SH3KBP1: variants seen among roughly 807,000 people sequenced by gnomAD.
SH3KBP1 encodes the protein SH3 domain containing kinase binding protein 1.
SH3KBP1 carries 8 observed loss-of-function variants against 50.1 expected under a neutral mutation model. That is an observed-to-expected ratio of 0.16 (90% CI 0.09 to 0.29). SH3KBP1 has a LOEUF of 0.29. SH3KBP1 is among the 10% of genes least tolerant of loss of function. SH3KBP1 has a pLI of 1.00. For synonymous variants in SH3KBP1, 227 were observed against 218.6 expected (o/e 1.04, Z -0.34); for missense variants, 377 against 535.2 (o/e 0.70, Z 2.92).
chrX:19,811,511 C>T (rs1023639030), intron 2 of SH3KBP1, among the ~76,000 whole-genome samples: 1 of 112,297 alleles, frequency 8.9e-6, no homozygotes, highest in Non-Finnish European at 1.9e-5. Flanking sequence ...ACAAGGTACT[C>T]TCCAAACATG....
chrX:19,683,862 C>A lies in SH3KBP1; in HGVS notation c.687G>T (p.Arg229Ser), dbSNP rs200888929. 8.3e-7 allele frequency: 1 copy of A among 1,210,006 alleles called. No individual in the cohort carries two copies. Among genetic ancestry groups the A allele is most frequent in the African/African-American group, 1.7e-5 (1 of 57,267 alleles). ...GAAAGTCATTTTCTACTTCAATTGA[C>A]CTTGGTCTTAGTTTGATTGGCTTGT... ...FKDKPIKLRP[R>S]SIEVENDFLP... Residue 229 changes from arginine (R) to serine (S), a missense_variant, in exon 6 of 18, where the codon AGG becomes AGT. Arg to Ser is a moderately radical substitution (Grantham distance 110). Around this residue, in one of 3 missense-constraint regions of SH3KBP1, gnomAD observed 257 missense variants for 374.2 expected, o/e 0.69. Transcript: ENST00000397821.
intron 17 of SH3KBP1, 57 bp from the exon 18 acceptor site, chrX:19,536,515 G>A (rs746659412): frequency 3.9e-6 from 3 of 768,581 alleles, no homozygotes; most frequent in South Asian, 5.1e-5. Flanking sequence ...TGGTTTTATA[G>A]AAGCTGAAAG....
chrX:19,781,800 G>A (rs1190407709), intron 2 of SH3KBP1, among the ~76,000 whole-genome samples: 2 of 111,073 alleles, frequency 1.8e-5, no homozygotes, highest in African/African-American at 6.6e-5. Context: ...TGCATAACTG[G>A]GTATGTTTAC....
intron 2 of SH3KBP1, among the ~76,000 whole-genome samples, chrX:19,753,506 G>A (rs2065127259): frequency 9.5e-6 from 1 of 105,649 alleles, no homozygotes; most frequent in African/African-American, 3.4e-5. Context: ...CCCACCCCAC[G>A]CAAAAGGCAA....
chrX:19,697,686 G>T (rs2063451573), intron 4 of SH3KBP1, among the ~76,000 whole-genome samples: 1 of 112,123 alleles, frequency 8.9e-6, no homozygotes, highest in Admixed American at 9.4e-5. Flanking sequence ...TGAGCTCACT[G>T]AGATCTGGGG....
At position 19,814,533 on chromosome X, in the gene SH3KBP1, C is replaced by T. The variant is rs1437853720; in HGVS notation, c.162+21592G>A. 3.6e-5 allele frequency among the ~76,000 whole-genome samples: 4 copies of T among 111,453 alleles called. No homozygotes were observed. The Admixed American group carries it at 3.8e-4, about 11-fold the overall frequency. On this transcript the variant is annotated intron_variant, in intron 2 of 17. Transcript: ENST00000397821. Reference sequence around the variant, plus strand: ...GTGGTGCACTGGTCTCTCTGTTGTTCCTCCAACAAGCCAGGGACACCCTCC... The same window carrying T: ...GTGGTGCACTGGTCTCTCTGTTGTTTCTCCAACAAGCCAGGGACACCCTCC...
intron 3 of SH3KBP1, among the ~76,000 whole-genome samples, chrX:19,737,691 T>A (rs1340847607): frequency 8.9e-6 from 1 of 111,891 alleles, no homozygotes; most frequent in Non-Finnish European, 1.9e-5. Flanking sequence ...CAGGTAGACC[T>A]GAACACCCTG....
intron 2 of SH3KBP1, among the ~76,000 whole-genome samples, chrX:19,807,903 T>C (rs6527946): frequency 0.13 from 14,050 of 112,327 alleles, 2,063 homozygotes; most frequent in African/African-American, 0.42. Flanking sequence ...TCATAGAAGG[T>C]AGCAGATACT....
At chrX:19,669,803 C>G (rs961547774) in intron 6 of SH3KBP1, among the ~76,000 whole-genome samples, 1 of 111,635 alleles carries the variant, frequency 9.0e-6, no homozygotes, top group African/African-American at 3.3e-5. Flanking sequence ...TCTAGGCAAG[C>G]AACAGATGCC....
chrX:19,695,448 G>A lies in SH3KBP1; in HGVS notation c.520+164C>T, dbSNP rs751118944. Reference sequence around the variant, plus strand: ...GTGGCTACGGGTCACACCTTTATAGGGATCAACTTCCTAAACCACAGTGGG... The same window carrying A: ...GTGGCTACGGGTCACACCTTTATAGAGATCAACTTCCTAAACCACAGTGGG... On this transcript the variant is annotated intron_variant, in intron 5 of 17. Coordinates refer to ENST00000397821, the MANE Select transcript of SH3KBP1 (RefSeq NM_031892.3). Among the ~76,000 whole-genome samples the A allele has an allele frequency of 2.7e-5, 3 of 110,910 alleles. No homozygotes were observed. In the East Asian group the frequency reaches 8.5e-4, roughly 31 times the overall value.
chrX:19,722,569 GGT>G (rs55675573), intron 3 of SH3KBP1, among the ~76,000 whole-genome samples: 32,524 of 83,806 alleles, frequency 0.39, 5,569 homozygotes, highest in East Asian at 0.52. Flanking sequence ...CGTGCGCACT[GGT>G]GTGTGTGTGT....
chrX:19,699,347 C>T (rs1045805694), intron 4 of SH3KBP1, among the ~76,000 whole-genome samples: 1 of 112,587 alleles, frequency 8.9e-6, no homozygotes, highest in Non-Finnish European at 1.9e-5. Context: ...ATAACTTCCA[C>T]CCCAAGGAAA....
At chrX:19,695,534 T>C (rs1258489510) in intron 5 of SH3KBP1, 78 bp downstream of exon 5, 4 of 1,132,956 alleles carry the variant, frequency 3.5e-6, no homozygotes, top group Non-Finnish European at 1.2e-6. Flanking sequence ...CGGCATAGGA[T>C]ACAGAACAGA....
chrX:19,712,510 G>A (rs1159411011), intron 3 of SH3KBP1, among the ~76,000 whole-genome samples: 2 of 111,226 alleles, frequency 1.8e-5, no homozygotes, highest in Non-Finnish European at 3.8e-5. Flanking sequence ...AAAGAACATT[G>A]ACAAATACAG....
At chrX:19,724,607 T>C (rs1226139754) in intron 3 of SH3KBP1, among the ~76,000 whole-genome samples, 2 of 112,609 alleles carry the variant, frequency 1.8e-5, no homozygotes, top group African/African-American at 6.5e-5. Context: ...CATAAATGAA[T>C]GGGTGTGCCT....
At chrX:19,679,939 T>C (rs1342828171) in intron 6 of SH3KBP1, among the ~76,000 whole-genome samples, 1 of 112,532 alleles carries the variant, frequency 8.9e-6, no homozygotes. Flanking sequence ...GAACTATTTA[T>C]CTATTCACAG....
chrX:19,768,507 C>T (rs2065688107), intron 2 of SH3KBP1, among the ~76,000 whole-genome samples: 1 of 96,098 alleles, frequency 1.0e-5, no homozygotes, highest in Non-Finnish European at 2.1e-5. Context: ...CCAAATGGCA[C>T]ATACCATGGG....
At chrX:19,833,617 G>A (rs754200292) in intron 2 of SH3KBP1, among the ~76,000 whole-genome samples, 3 of 85,385 alleles carry the variant, frequency 3.5e-5, no homozygotes, top group East Asian at 3.8e-4. Flanking sequence ...CATCCACCTC[G>A]CCTTTCCACA....
intron 13 of SH3KBP1, among the ~76,000 whole-genome samples, chrX:19,563,628 T>C (rs1251916038): frequency 1.8e-5 from 2 of 112,460 alleles, no homozygotes; most frequent in African/African-American, 6.5e-5. Context: ...TTTCAGCTAC[T>C]CCTGACAAAA....
Sources: allele counts gnomAD v4.1 joint callset (sites outside exome capture counted in the v4.1 genomes callset), GRCh38; gene constraint gnomAD v4.1.1; regional missense constraint gnomAD v4.1.1; transcripts MANE v1.5; gene names NCBI Gene and HGNC (gene_info 2026-07-23, HGNC 2026-07-21).